Variants in DGKI observed in about 807,000 individuals in gnomAD.
DGKI encodes the protein DAG kinase iota.
A neutral mutation model predicts 147.5 loss-of-function variants in DGKI; 55 were observed. The observed-to-expected ratio is 0.37, with a 90% CI of 0.30 to 0.47. The LOEUF (loss-of-function observed/expected upper bound fraction) is 0.47. Ranked by LOEUF, DGKI falls within the 20% of genes least tolerant of loss-of-function variation. The probability of loss-of-function intolerance (pLI) is 1.00; values close to 1 mark genes in which losing one functional copy is unlikely to be tolerated. For missense variants in DGKI, 1,007 were observed against 1,323.8 expected (o/e 0.76, Z 3.71); for synonymous variants, 469 against 477.1 (o/e 0.98, Z 0.22).
chr7:137,703,324 T>A (rs1824049450), intron 1 of DGKI, among the ~76,000 whole-genome samples: 1 of 152,198 alleles, frequency 6.6e-6, no homozygotes, highest in Admixed American at 6.5e-5. Flanking sequence ...CCAATCACCT[T>A]CCACCAGGCC....
intron 23 of DGKI, among the ~76,000 whole-genome samples, chr7:137,472,396 A>AATTATATGTATATATACATATT (rs1815007944): frequency 3.2e-5 from 3 of 94,726 alleles, no homozygotes; most frequent in African/African-American, 1.2e-4. Context: ...TACATATTAT[A>AATTATATGTATATATACATATT]ATTATTATAT....
chr7:137,485,565 T>C, intron 22 of DGKI, 147 bp from the exon 23 acceptor site: 1 of 658,418 alleles, frequency 1.5e-6, no homozygotes, highest in Non-Finnish European at 2.6e-6. Context: ...AAAGGTTAAA[T>C]AAAGAAGGTA....
chr7:137,651,281 T>C (rs1042625373), intron 5 of DGKI, among the ~76,000 whole-genome samples: 1 of 152,166 alleles, frequency 6.6e-6, no homozygotes, highest in African/African-American at 2.4e-5. Flanking sequence ...TCACAGTGTC[T>C]TAGTTTAAGG....
At chr7:137,413,159 C>G (rs932415631) in intron 28 of DGKI, among the ~76,000 whole-genome samples, 1 of 149,264 alleles carries the variant, frequency 6.7e-6, no homozygotes, top group Non-Finnish European at 1.5e-5. Flanking sequence ...CCCAGCTACT[C>G]GGGAGGCTGA....
intron 29 of DGKI, among the ~76,000 whole-genome samples, chr7:137,411,773 C>T (rs974714951): frequency 1.3e-5 from 2 of 152,142 alleles, no homozygotes; most frequent in Non-Finnish European, 2.9e-5. Context: ...TAACTATGAT[C>T]CCCAAAGTAT....
intron 1 of DGKI, among the ~76,000 whole-genome samples, chr7:137,836,292 C>T (rs114498504): frequency 0.02 from 3,029 of 152,254 alleles, 122 homozygotes; most frequent in African/African-American, 0.068. Flanking sequence ...GAAAGAATGA[C>T]TCAGGTTTTC....
chr7:137,534,719 G>A (rs1817459778), intron 20 of DGKI, among the ~76,000 whole-genome samples: 1 of 151,938 alleles, frequency 6.6e-6, no homozygotes, highest in African/African-American at 2.4e-5. Flanking sequence ...AGTCTTCAGA[G>A]GGTGACACAG....
At chr7:137,556,377 G>T (rs1158078860) in intron 19 of DGKI, among the ~76,000 whole-genome samples, 1 of 150,238 alleles carries the variant, frequency 6.7e-6, no homozygotes, top group Non-Finnish European at 1.5e-5. Flanking sequence ...ATGAGACAAA[G>T]AAATAAAATT....
chr7:137,414,171 G>A (rs1812272370), intron 28 of DGKI, among the ~76,000 whole-genome samples: 1 of 152,124 alleles, frequency 6.6e-6, no homozygotes, highest in African/African-American at 2.4e-5. Context: ...TATGAGTCCT[G>A]GGTGAGCAGA....
chr7:137,517,576 C>T lies in DGKI; in HGVS notation c.2248+4290G>A, dbSNP rs1816824218. 3.9e-5 allele frequency among the ~76,000 whole-genome samples: 6 copies of T among 152,190 alleles called. No individual in the cohort carries two copies. In the South Asian group the frequency reaches 1.2e-3, roughly 32 times the overall value. On this transcript the variant is annotated intron_variant, in intron 21 of 32. Transcript: ENST00000614521. The stretch of plus-strand genomic sequence containing the variant: ...ATAGTAATGTAGCAATATCAGTTTC[C>T]TTGACAAACGCACCATGGTAATGTA...
chr7:137,578,249 T>C, intron 16 of DGKI, 21 bp downstream of exon 16: 3 of 1,562,056 alleles, frequency 1.9e-6, no homozygotes, highest in Non-Finnish European at 2.6e-6. Context: ...GTAGTAATTA[T>C]GAAATAAAAT....
At chr7:137,758,959 A>T (rs922230162) in intron 1 of DGKI, among the ~76,000 whole-genome samples, 6 of 152,114 alleles carry the variant, frequency 3.9e-5, no homozygotes, top group Non-Finnish European at 8.8e-5. Context: ...TTCTTCTTAA[A>T]TTTTTTAAAT....
At chr7:137,636,052 C>G (rs1585311582) in intron 6 of DGKI, among the ~76,000 whole-genome samples, 1 of 152,310 alleles carries the variant, frequency 6.6e-6, no homozygotes, top group African/African-American at 2.4e-5. Context: ...AGTAATTGAT[C>G]CTGATCATTA....
At chr7:137,678,750 C>T (rs1223479275) in intron 2 of DGKI, 98 bp from the exon 3 acceptor site, 1 of 1,052,156 alleles carries the variant, frequency 9.5e-7, no homozygotes, top group Non-Finnish European at 1.5e-6. Flanking sequence ...GTTAGTGAAA[C>T]CAAGGAGTCT....
intron 3 of DGKI, among the ~76,000 whole-genome samples, chr7:137,664,377 CAAAAA>C (rs1190186766): frequency 0.053 from 2,957 of 55,852 alleles, 38 homozygotes; most frequent in African/African-American, 0.11. Flanking sequence ...GACTCCATCT[CAAAAA>C]AAAAAAAAAA....
At chr7:137,402,491 C>A (rs1811795280) in intron 30 of DGKI, among the ~76,000 whole-genome samples, 1 of 152,224 alleles carries the variant, frequency 6.6e-6, no homozygotes, top group South Asian at 2.1e-4. Context: ...TGTTGCTGCC[C>A]AGTACTCATT....
At chr7:137,800,547 C>T (rs908048477) in intron 1 of DGKI, among the ~76,000 whole-genome samples, 1 of 152,204 alleles carries the variant, frequency 6.6e-6, no homozygotes, top group Admixed American at 6.5e-5. Flanking sequence ...GAAGCAGATG[C>T]CAGGGCTATG....
intron 1 of DGKI, among the ~76,000 whole-genome samples, chr7:137,750,271 G>A (rs1419788202): frequency 6.6e-6 from 1 of 152,136 alleles, no homozygotes. Context: ...TAGTGCTGAG[G>A]CCTAGATGCA....
At chr7:137,712,273 T>C (rs1478103142) in intron 1 of DGKI, among the ~76,000 whole-genome samples, 3 of 152,180 alleles carry the variant, frequency 2.0e-5, no homozygotes, top group Non-Finnish European at 1.5e-5. Context: ...CTCAGATATT[T>C]GTTGGGTTAT....
Sources: gnomAD v4.1 joint callset for allele counts (sites outside exome capture counted in the v4.1 genomes callset) on GRCh38, gnomAD v4.1.1 for gene constraint, MANE v1.5 for transcripts, NCBI Gene and HGNC (gene_info 2026-07-23, HGNC 2026-07-21) for gene names.